LPP: variants seen among roughly 807,000 people sequenced by gnomAD.
LPP encodes lipoma-preferred partner.
Under a neutral mutation model 60.4 loss-of-function variants are expected in LPP, and 38 were observed. That is an observed-to-expected ratio of 0.63 (90% CI 0.49 to 0.83). The LOEUF is 0.83. LPP is among the 40% of genes least tolerant of loss of function. LPP has a pLI of 0.00. For missense variants in LPP, 902 were observed against 783.6 expected, an observed-to-expected ratio of 1.15 and a Z score of -1.80; for synonymous variants, 328 against 290.8, an observed-to-expected ratio of 1.13 and a Z score of -1.30.
intron 9 of LPP, among the ~76,000 whole-genome samples, chr3:188,864,007 T>A (rs1765948388): frequency 6.8e-6 from 1 of 147,388 alleles, no homozygotes; most frequent in Non-Finnish European, 1.5e-5. Context: ...ACACAAGTCC[T>A]GGGAAGACAA....
At chr3:188,686,608 C>T (rs963720414) in intron 7 of LPP, among the ~76,000 whole-genome samples, 1 of 152,188 alleles carries the variant, frequency 6.6e-6, no homozygotes, top group African/African-American at 2.4e-5. Context: ...GGCCTCACCC[C>T]TAGAGATACT....
intron 7 of LPP, among the ~76,000 whole-genome samples, chr3:188,648,810 C>T (rs1303388114): frequency 1.3e-5 from 2 of 152,098 alleles, no homozygotes; most frequent in South Asian, 2.1e-4. Flanking sequence ...TTTATTTTTT[C>T]CCCTTTCTAT....
Position 188,593,128 on chromosome 3 carries a change from T to G in LPP, c.430-16033T>G, listed in dbSNP as rs959984378. Among the ~76,000 whole-genome samples the G allele has an allele frequency of 2.7e-5, 4 of 150,674 alleles. No individual in the cohort carries two copies. In the Admixed American group the frequency reaches 2.7e-4, roughly 10 times the overall value. On this transcript the variant is annotated intron_variant, in intron 6 of 11. Coordinates refer to ENST00000617246, the MANE Select transcript of LPP (RefSeq NM_001375462.1). ...GAAATCTAGGAATAGAATGAATAAC[T>G]GTATAGATTACACCTCTGATGCCTG...
intron 8 of LPP, among the ~76,000 whole-genome samples, chr3:188,728,566 A>G (rs1391591382): frequency 6.6e-6 from 1 of 152,212 alleles, no homozygotes; most frequent in African/African-American, 2.4e-5. Context: ...CACTTCGTTT[A>G]GTTAAGAAAC....
At position 188,828,955 on chromosome 3, in the gene LPP, A is replaced by G. The variant is rs1166406286; in HGVS notation, c.1411-37245A>G. ...TCTGACTTCGTGCCTCTAGTATTAC[A>G]TGCTTCTCAAAATATCTATAGTTTT... On this transcript the variant is annotated intron_variant, in intron 9 of 11. Transcript: ENST00000617246. 2.0e-5 allele frequency among the ~76,000 whole-genome samples: 3 copies of G among 152,266 alleles called. No individual in the cohort carries two copies. In the East Asian group the frequency reaches 5.8e-4, roughly 29 times the overall value.
chr3:188,262,502 C>G (rs1560172757), intron 2 of LPP, among the ~76,000 whole-genome samples: 1 of 151,994 alleles, frequency 6.6e-6, no homozygotes, highest in Non-Finnish European at 1.5e-5. Context: ...AAAATCTTAA[C>G]TCACCCTCTG....
At chr3:188,601,783 T>G (rs975934150) in intron 6 of LPP, among the ~76,000 whole-genome samples, 1 of 152,102 alleles carries the variant, frequency 6.6e-6, no homozygotes, top group Non-Finnish European at 1.5e-5. Flanking sequence ...TATATCGCAC[T>G]CTTGGCCAGG....
At chr3:188,611,337 C>T (rs947754507) in intron 7 of LPP, among the ~76,000 whole-genome samples, 1 of 152,206 alleles carries the variant, frequency 6.6e-6, no homozygotes, top group African/African-American at 2.4e-5. Context: ...TTTTTTATTT[C>T]TTTTTAAAAT....
intron 5 of LPP, among the ~76,000 whole-genome samples, chr3:188,522,101 G>A (rs1819023851): frequency 6.6e-6 from 1 of 152,196 alleles, no homozygotes; most frequent in Non-Finnish European, 1.5e-5. Context: ...TCCTCTGATA[G>A]AGGGATTAGC....
intron 11 of LPP, among the ~76,000 whole-genome samples, chr3:188,873,179 T>G (rs1033742420): frequency 6.6e-6 from 1 of 152,342 alleles, no homozygotes; most frequent in African/African-American, 2.4e-5. Flanking sequence ...CACTACTAAT[T>G]GCTCAGTTTC....
intron 2 of LPP, among the ~76,000 whole-genome samples, chr3:188,274,374 G>C (rs1738918695): frequency 6.6e-6 from 1 of 152,220 alleles, no homozygotes; most frequent in South Asian, 2.1e-4. Context: ...GTCCCAGACT[G>C]TAAATTCCTT....
intron 7 of LPP, among the ~76,000 whole-genome samples, chr3:188,705,790 T>C (rs1370617896): frequency 1.3e-5 from 2 of 152,032 alleles, no homozygotes; most frequent in South Asian, 2.1e-4. Context: ...CTAATTTTTG[T>C]GTTTTTAGTA....
intron 7 of LPP, among the ~76,000 whole-genome samples, chr3:188,691,311 A>C (rs989561259): frequency 6.6e-6 from 1 of 152,248 alleles, no homozygotes; most frequent in Non-Finnish European, 1.5e-5. Flanking sequence ...ATAGAGTCAT[A>C]CTGGAATCCA....
intron 1 of LPP, among the ~76,000 whole-genome samples, chr3:188,204,570 A>G (rs1054476960): frequency 5.3e-5 from 8 of 152,268 alleles, no homozygotes; most frequent in African/African-American, 1.9e-4. Context: ...AGCTATATGA[A>G]ATATTTTTAC....
chr3:188,542,143 T>C (rs1440889828), intron 6 of LPP, among the ~76,000 whole-genome samples: 1 of 152,208 alleles, frequency 6.6e-6, no homozygotes, highest in East Asian at 1.9e-4. Flanking sequence ...AATTCAGTTC[T>C]GCCATACCTA....
intron 7 of LPP, among the ~76,000 whole-genome samples, chr3:188,673,190 A>G (rs984841368): frequency 6.6e-6 from 1 of 152,160 alleles, no homozygotes; most frequent in African/African-American, 2.4e-5. Flanking sequence ...CGAGAAGTTA[A>G]ATGTGAGCTG....
chr3:188,652,239 A>G (rs1213988154), intron 7 of LPP, among the ~76,000 whole-genome samples: 3 of 152,214 alleles, frequency 2.0e-5, no homozygotes, highest in African/African-American at 7.2e-5. Flanking sequence ...CTGCCAGTGG[A>G]AGTAATAGTG....
At chr3:188,805,424 G>A (rs1176415393) in intron 9 of LPP, among the ~76,000 whole-genome samples, 1 of 140,344 alleles carries the variant, frequency 7.1e-6, no homozygotes, top group African/African-American at 2.7e-5. Context: ...TTTAATGTCT[G>A]TAAGTACTGT....
intron 9 of LPP, among the ~76,000 whole-genome samples, chr3:188,819,937 T>G (rs1753520802): frequency 6.6e-6 from 1 of 152,156 alleles, no homozygotes; most frequent in South Asian, 2.1e-4. Flanking sequence ...CCGAAGCAAT[T>G]AAGATCGCTG....
Sources: gnomAD v4.1 joint callset for allele counts (sites outside exome capture counted in the v4.1 genomes callset) on GRCh38, gnomAD v4.1.1 for gene constraint, MANE v1.5 for transcripts, NCBI Gene and HGNC (gene_info 2026-07-23, HGNC 2026-07-21) for gene names.